Variants in NFATC1 observed in about 807,000 individuals in gnomAD.
NFATC1 encodes nuclear factor of activated T cells 1, also known as nuclear factor of activated T-cells, cytoplasmic 1.
In NFATC1, 22 loss-of-function variants were observed where a neutral mutation model predicts 76.0. The ratio of observed to expected loss-of-function variants is 0.29; its 90% CI spans 0.21 to 0.41. The LOEUF (loss-of-function observed/expected upper bound fraction) is 0.41, where lower values mean the gene tolerates loss of function less well. NFATC1 is among the 10% of genes least tolerant of loss of function. NFATC1 has a pLI of 1.00. For synonymous variants in NFATC1, 704 were observed against 613.1 expected, an observed-to-expected ratio of 1.15 and a Z score of -2.19; for missense variants, 1,357 against 1,337.7, an observed-to-expected ratio of 1.01 and a Z score of -0.23.
At chr18:79,459,398 G>A (rs181053883) in intron 6 of NFATC1, among the ~76,000 whole-genome samples, 63 of 152,338 alleles carry the variant, frequency 4.1e-4, no homozygotes, top group South Asian at 1.9e-3. Context: ...CGGGGGAGAC[G>A]GCTGGAGTCC....
At chr18:79,411,593 G>A (rs1342618349) in intron 2 of NFATC1, 92 bp downstream of exon 2, 18 of 1,020,114 alleles carry the variant, frequency 1.8e-5, no homozygotes, top group South Asian at 4.4e-5. Flanking sequence ...GGCGCGGGGC[G>A]GCCGTGTCTG....
intron 9 of NFATC1, among the ~76,000 whole-genome samples, chr18:79,525,081 C>T (rs62096929): frequency 1.0e-4 from 8 of 78,844 alleles, no homozygotes; most frequent in Non-Finnish European, 8.1e-5. Flanking sequence ...GTCCCACCGT[C>T]GTTACCCCTC....
At chr18:79,485,479 A>G (rs1381553869) in intron 8 of NFATC1, among the ~76,000 whole-genome samples, 3 of 151,954 alleles carry the variant, frequency 2.0e-5, no homozygotes, top group Non-Finnish European at 4.4e-5. Context: ...CAACACCCCC[A>G]CAGAAGCCGG....
chr18:79,432,380 C>T (rs977579288), intron 2 of NFATC1, among the ~76,000 whole-genome samples: 6 of 151,974 alleles, frequency 3.9e-5, no homozygotes, highest in African/African-American at 1.2e-4. Context: ...GAGGTGAGGA[C>T]GGTCGGCGGG....
At position 79,450,939 on chromosome 18, in the gene NFATC1, T is replaced by C. The variant is rs2087445653; in HGVS notation, c.1590-15T>C. 6.2e-6 allele frequency: 10 copies of C among 1,606,186 alleles called. No individual in the cohort carries two copies. The highest frequency in any genetic ancestry group is 7.7e-6 in the Non-Finnish European group (9 of 1,174,312). On this transcript the variant is annotated splice_polypyrimidine_tract_variant and intron_variant, in intron 4 of 9. Transcript: ENST00000427363. ...AGCCATTGAAAGAAAAGCTGTGGGC[T>C]TTTGTTTTGGGCAGCATTGACTGTG... is the stretch of plus-strand genomic sequence containing the variant.
Position 79,448,925 on chromosome 18 carries a change from C to T in NFATC1, c.1530C>T (p.Ile510=), listed in dbSNP as rs1285051846. The T allele has an allele frequency of 2.5e-6, 4 of 1,613,808 alleles. No individual in the cohort carries two copies. Among genetic ancestry groups the T allele is most frequent in the Non-Finnish European group, 3.4e-6 (4 of 1,180,038 alleles). ...KTVSTTSHEA[I]LSNTKVLEIP... ...TGTCCACCACCAGCCACGAGGCCAT[C>T]CTCTCCAACACCAAAGTCCTGGAGA... The change falls in exon 4 of 10, where the codon ATC becomes ATT. Residue 510 remains isoleucine (I), a synonymous_variant. Coordinates refer to ENST00000427363, the MANE Select transcript of NFATC1 (RefSeq NM_001278669.2).
intron 3 of NFATC1, among the ~76,000 whole-genome samples, chr18:79,437,837 T>TGTCTCACCTCCTC (rs2086836411): frequency 6.6e-6 from 1 of 152,204 alleles, no homozygotes; most frequent in Admixed American, 6.5e-5. Context: ...CTTTTCTCCT[T>TGTCTCACCTCCTC]GTCTCACCTC....
At chr18:79,446,202 T>A (rs2087199574) in intron 3 of NFATC1, among the ~76,000 whole-genome samples, 1 of 152,208 alleles carries the variant, frequency 6.6e-6, no homozygotes. Context: ...AAATAATAGA[T>A]GTTTACCTCC....
chr18:79,406,943 A>G (rs1207791814), intron 1 of NFATC1, among the ~76,000 whole-genome samples: 1 of 152,148 alleles, frequency 6.6e-6, no homozygotes, highest in Non-Finnish European at 1.5e-5. Context: ...GGCGTGGGGC[A>G]CAGGGCGACC....
intron 3 of NFATC1, among the ~76,000 whole-genome samples, chr18:79,441,612 G>A (rs1414919446): frequency 1.3e-5 from 2 of 152,286 alleles, no homozygotes; most frequent in Middle Eastern, 3.4e-3. Flanking sequence ...GGTAGACTGG[G>A]GAGAAGTGCT....
chr18:79,404,294 G>A (rs1343452461), intron 1 of NFATC1, among the ~76,000 whole-genome samples: 5 of 152,196 alleles, frequency 3.3e-5, no homozygotes, highest in Non-Finnish European at 4.4e-5. Flanking sequence ...GCGCTGTGAC[G>A]AGGCCATCCT....
chr18:79,410,136 C>T lies in NFATC1; in HGVS notation c.128-267C>T, dbSNP rs369107934. ...CCCGGCCGCCTCTCCCTGGGAAGGA[C>T]GTTCGGGGGCTTGTGCTGCTGTTAG... On this transcript the variant is annotated intron_variant, in intron 1 of 9. Coordinates refer to ENST00000427363, the MANE Select transcript of NFATC1 (RefSeq NM_001278669.2). This position sits in a 1 kb window ranked among gnomAD's most constrained non-coding sequence, Gnocchi z 6.7. 39 of 753,214 alleles carry T rather than the reference C, an allele frequency of 5.2e-5. No homozygotes were observed. The highest frequency in any genetic ancestry group is 3.5e-4 in the South Asian group (26 of 73,480). 46.7% of individuals were successfully genotyped at this position (753,214 alleles called of 1,614,324 possible).
chr18:79,433,995 C>G (rs1189183942), intron 3 of NFATC1, among the ~76,000 whole-genome samples: 2 of 152,250 alleles, frequency 1.3e-5, no homozygotes, highest in Non-Finnish European at 2.9e-5. Flanking sequence ...GTGGATGCTG[C>G]CTGTGGTGTG....
chr18:79,452,997 C>T (rs1176962676), intron 6 of NFATC1, among the ~76,000 whole-genome samples: 1 of 152,224 alleles, frequency 6.6e-6, no homozygotes, highest in Non-Finnish European at 1.5e-5. Flanking sequence ...AGGTCTTTGA[C>T]TCTAACTTGG....
intron 8 of NFATC1, among the ~76,000 whole-genome samples, chr18:79,475,008 C>G (rs554421220): frequency 7.2e-6 from 1 of 138,562 alleles, no homozygotes; most frequent in South Asian, 2.3e-4. Context: ...CGCTCGCTGT[C>G]GACGTAAACC....
chr18:79,476,937 G>A (rs1343645919), intron 8 of NFATC1, among the ~76,000 whole-genome samples: 3 of 152,206 alleles, frequency 2.0e-5, no homozygotes, highest in South Asian at 2.1e-4. Flanking sequence ...GTGAAGAGTC[G>A]GTGAGAGAGC....
chr18:79,421,515 G>C (rs2148244141), intron 2 of NFATC1: 1 of 152,600 alleles, frequency 6.6e-6, no homozygotes, highest in African/African-American at 2.4e-5. Flanking sequence ...GCCTGTGGAG[G>C]TGGAGAGCAG....
chr18:79,477,448 A>C (rs978671365), intron 8 of NFATC1, among the ~76,000 whole-genome samples: 4 of 152,284 alleles, frequency 2.6e-5, no homozygotes, highest in African/African-American at 9.6e-5. Flanking sequence ...TCAGCGTTAG[A>C]TCTCCCCACC....
At chr18:79,513,525 T>G (rs1468397818) in intron 9 of NFATC1, among the ~76,000 whole-genome samples, 6 of 152,258 alleles carry the variant, frequency 3.9e-5, no homozygotes, top group African/African-American at 1.2e-4. Context: ...TCTTAAAGAT[T>G]CAAACGATAA....
Sources: allele counts gnomAD v4.1 joint callset (sites outside exome capture counted in the v4.1 genomes callset), GRCh38; gene constraint gnomAD v4.1.1; non-coding constraint Gnocchi (gnomAD v3.1); transcripts MANE v1.5; gene names NCBI Gene and HGNC (gene_info 2026-07-23, HGNC 2026-07-21).